PTGER4: variants seen among roughly 807,000 people sequenced by gnomAD.
PTGER4 encodes the protein prostaglandin E receptor 4, also known as prostaglandin E2 receptor EP4 subtype.
Under a neutral mutation model 33.2 loss-of-function variants are expected in PTGER4, and 11 were observed. The ratio of observed to expected loss-of-function variants is 0.33; its 90% CI spans 0.21 to 0.55. The LOEUF (loss-of-function observed/expected upper bound fraction) is 0.55. Among genes scored for constraint, PTGER4 ranks in the 20% least tolerant of loss-of-function variants. The pLI, the probability that PTGER4 is intolerant of heterozygous loss-of-function variation, is 0.92. For missense variants in PTGER4, 481 were observed against 650.2 expected (o/e 0.74, Z 2.83); for synonymous variants, 275 against 281.5 (o/e 0.98, Z 0.23).
Position 40,692,469 on chromosome 5 carries a change from A to G in PTGER4, c.*91A>G. On this transcript the variant is annotated 3_prime_UTR_variant, in exon 3 of 3. Coordinates refer to ENST00000302472, the MANE Select transcript of PTGER4 (RefSeq NM_000958.3). ...CATGTCACATTTAGCTGTGCTCAGA[A>G]GGGCTATCATCATCCTACAACTCAC... 2 of 1,498,520 alleles carry G rather than the reference A, an allele frequency of 1.3e-6. No homozygotes were observed. Among genetic ancestry groups the G allele is most frequent in the South Asian group, 2.7e-5 (2 of 73,444 alleles). The allele number at this position is 1,498,520 out of a possible 1,614,324, so 92.8% of individuals were successfully genotyped here.
chr5:40,703,894 C>T, the PTGER4 span, among the ~76,000 whole-genome samples: 1,114 of 94,032 alleles, frequency 0.012, 16 homozygotes, highest in African/African-American at 0.04. Flanking sequence ...CAGAGCAAGA[C>T]GCCGTCTCAA....
the PTGER4 span, among the ~76,000 whole-genome samples, chr5:40,736,007 T>C: frequency 1.6e-4 from 25 of 152,162 alleles, no homozygotes; most frequent in Non-Finnish European, 1.5e-5. Flanking sequence ...TATCAGGGTA[T>C]GTTTGCATGC....
At chr5:40,736,306 C>CT in the PTGER4 span, among the ~76,000 whole-genome samples, 1 of 152,204 alleles carries the variant, frequency 6.6e-6, no homozygotes. Flanking sequence ...TGTGAGTAAT[C>CT]TGCAGAATGT....
chr5:40,740,400 A>T, the PTGER4 span, among the ~76,000 whole-genome samples: 7 of 152,002 alleles, frequency 4.6e-5, no homozygotes, highest in Admixed American at 3.3e-4. Flanking sequence ...TTTCTGAAAG[A>T]TATTTTTATA....
the PTGER4 span, among the ~76,000 whole-genome samples, chr5:40,743,452 T>G: frequency 6.6e-6 from 1 of 152,152 alleles, no homozygotes; most frequent in African/African-American, 2.4e-5. Context: ...TTCCTTATAT[T>G]ACTTTCAATC....
chr5:40,715,941 C>A, the PTGER4 span: 1 of 441,406 alleles, frequency 2.3e-6, no homozygotes, highest in Non-Finnish European at 4.0e-6. Flanking sequence ...GAATTTTAAC[C>A]TTGAGAAATA....
chr5:40,738,484 CAAT>C, the PTGER4 span, among the ~76,000 whole-genome samples: 2 of 89,812 alleles, frequency 2.2e-5, no homozygotes, highest in Non-Finnish European at 4.5e-5. Flanking sequence ...CAATACAATA[CAAT>C]ACAATACAAT....
In PTGER4 at chr5:40,681,498, T is replaced by C; in HGVS notation, c.505T>C (p.Trp169Arg). Reference protein sequence around the residue: ...GSSRLQYPDTWCFIDWTTNVT... With the variant: ...GSSRLQYPDTRCFIDWTTNVT... The stretch of plus-strand genomic sequence containing the variant: ...CTCGCGGCTGCAGTACCCAGACACC[T>C]GGTGCTTCATCGACTGGACCACCAA... The change falls in exon 2 of 3, where the codon TGG (tryptophan) becomes CGG (arginine). Residue 169 changes from tryptophan to arginine, a missense_variant. Physicochemically the swap from Trp to Arg is moderately radical, Grantham distance 101. Coordinates refer to ENST00000302472, the MANE Select transcript of PTGER4 (RefSeq NM_000958.3). The surrounding 1 kb of genome is among the most constrained non-coding windows in gnomAD (Gnocchi z 9.8). The C allele has an allele frequency of 6.2e-7, 1 of 1,613,396 alleles. No homozygotes were observed. Among genetic ancestry groups the C allele is most frequent in the Non-Finnish European group, 8.5e-7 (1 of 1,180,038 alleles).
At chr5:40,725,808 A>G in the PTGER4 span, among the ~76,000 whole-genome samples, 2 of 130,000 alleles carry the variant, frequency 1.5e-5, no homozygotes, top group Non-Finnish European at 3.2e-5. Flanking sequence ...TTTTTTTGAG[A>G]CAGGTCTTGC....
At chr5:40,722,808 C>T in the PTGER4 span, among the ~76,000 whole-genome samples, 13 of 150,776 alleles carry the variant, frequency 8.6e-5, no homozygotes, top group Admixed American at 4.0e-4. Context: ...GCCGCCCATC[C>T]GGGAGGTGGG....
chr5:40,693,871 C>A, downstream of PTGER4: 1 of 409,754 alleles, frequency 2.4e-6, no homozygotes, highest in African/African-American at 2.2e-5. Flanking sequence ...AAGAAAAGTA[C>A]AAACTCTTGT....
the PTGER4 span, among the ~76,000 whole-genome samples, chr5:40,709,000 T>C: frequency 6.6e-6 from 1 of 152,132 alleles, no homozygotes; most frequent in Non-Finnish European, 1.5e-5. Flanking sequence ...TGCTAAAAAC[T>C]CTCAATAAAT....
the PTGER4 span, among the ~76,000 whole-genome samples, chr5:40,717,755 A>G: frequency 2.0e-5 from 3 of 152,346 alleles, no homozygotes; most frequent in East Asian, 5.8e-4. Flanking sequence ...TCATGCAAAC[A>G]GATTAGTTTT....
the PTGER4 span, among the ~76,000 whole-genome samples, chr5:40,745,834 A>G: frequency 1.3e-5 from 2 of 152,004 alleles, no homozygotes; most frequent in Non-Finnish European, 2.9e-5. Flanking sequence ...TCCTGGGCTC[A>G]AGCGATCCTC....
At position 40,693,691 on chromosome 5, in the gene PTGER4, C is replaced by A; in HGVS notation, c.*1313C>A. ...GATATGGTTTTAAGAAGCAGTTGTA[C>A]CAAGTGAAATTATTTTGGAGATTAT... On this transcript the variant is annotated 3_prime_UTR_variant, in exon 3 of 3. Coordinates refer to ENST00000302472, the MANE Select transcript of PTGER4 (RefSeq NM_000958.3). 1.0e-6 allele frequency: 1 copy of A among 980,078 alleles called. No individual in the cohort carries two copies. Among genetic ancestry groups the A allele is most frequent in the South Asian group, 4.7e-5 (1 of 21,172 alleles). 60.7% of individuals were successfully genotyped at this position (980,078 alleles called of 1,614,324 possible).
downstream of PTGER4, among the ~76,000 whole-genome samples, chr5:40,697,040 A>AAAGG (rs1309192922): frequency 6.7e-6 from 1 of 148,716 alleles, no homozygotes; most frequent in Non-Finnish European, 1.5e-5. Flanking sequence ...AGAAGGAAAG[A>AAAGG]AAGGAAGGAA....
At position 40,681,009 on chromosome 5, in the gene PTGER4, G is replaced by A. The variant is rs1579640296; in HGVS notation, c.16G>A (p.Val6Ile). Residue 6 changes from valine (V) to isoleucine (I), a missense_variant, in exon 2 of 3, where the codon GTC becomes ATC. By Grantham distance (29) the Val-to-Ile change is conservative. Coordinates refer to ENST00000302472, the MANE Select transcript of PTGER4 (RefSeq NM_000958.3). The surrounding 1 kb of genome is among the most constrained non-coding windows in gnomAD (Gnocchi z 9.8). MSTPG[V>I]NSSASLSPDR... ...AGCCACTATCATGTCCACTCCCGGG[G>A]TCAATTCGTCCGCCTCCTTGAGCCC... 21 of 1,612,620 alleles carry A rather than the reference G, an allele frequency of 1.3e-5. No homozygotes were observed. Among genetic ancestry groups the A allele is most frequent in the Non-Finnish European group, 1.8e-5 (21 of 1,179,250 alleles).
At chr5:40,734,946 A>C in the PTGER4 span, among the ~76,000 whole-genome samples, 2 of 152,230 alleles carry the variant, frequency 1.3e-5, no homozygotes, top group East Asian at 3.8e-4. Context: ...ATGGGCGGTC[A>C]AGAAAGGTCT....
At chr5:40,700,625 GACCTTTGGCC>G in the PTGER4 span, among the ~76,000 whole-genome samples, 1 of 152,138 alleles carries the variant, frequency 6.6e-6, no homozygotes, top group Non-Finnish European at 1.5e-5. Context: ...TCAAGCAAAT[GACCTTTGGCC>G]ACAACCACTA....
Sources: allele counts gnomAD v4.1 joint callset (sites outside exome capture counted in the v4.1 genomes callset), GRCh38; gene constraint gnomAD v4.1.1; non-coding constraint Gnocchi (gnomAD v3.1); transcripts MANE v1.5; gene names NCBI Gene and HGNC (gene_info 2026-07-23, HGNC 2026-07-21).